Variants in PRPS1 observed in about 807,000 individuals in gnomAD.
PRPS1 encodes the protein phosphoribosyl pyrophosphate synthetase 1.
PRPS1 carries 1 observed loss-of-function variant against 16.9 expected under a neutral mutation model. That is an observed-to-expected ratio of 0.06 (90% CI 0.02 to 0.28). The LOEUF (loss-of-function observed/expected upper bound fraction) is 0.28, where lower values mean the gene tolerates loss of function less well. PRPS1 is among the 10% of genes least tolerant of loss of function. The probability of loss-of-function intolerance (pLI) is 1.00; values close to 1 mark genes in which losing one functional copy is unlikely to be tolerated. For missense variants in PRPS1, 47 were observed against 254.0 expected (o/e 0.19, Z 5.54); for synonymous variants, 70 against 90.2 (o/e 0.78, Z 1.27).
At chrX:107,648,692 T>C (rs1164693647) in intron 6 of PRPS1, among the ~76,000 whole-genome samples, 2 of 110,774 alleles carry the variant, frequency 1.8e-5, no homozygotes, top group Middle Eastern at 4.3e-3. Flanking sequence ...AGATTACAGG[T>C]GATGTCATTC....
At chrX:107,648,379 C>T (rs759698102) in intron 6 of PRPS1, among the ~76,000 whole-genome samples, 1 of 109,717 alleles carries the variant, frequency 9.1e-6, no homozygotes, top group South Asian at 3.8e-4. Flanking sequence ...TCACATTAAT[C>T]TATGAGCTTT....
At chrX:107,647,898 G>A (rs1925738695) in intron 6 of PRPS1, 133 bp downstream of exon 6, 1 of 752,358 alleles carries the variant, frequency 1.3e-6, no homozygotes, top group Non-Finnish European at 1.9e-6. Flanking sequence ...ATCAGAATTT[G>A]TGATCCAAAA....
At chrX:107,642,129 T>TAA (rs1266689372) in intron 3 of PRPS1, among the ~76,000 whole-genome samples, 4 of 112,123 alleles carry the variant, frequency 3.6e-5, no homozygotes, top group African/African-American at 1.3e-4. Flanking sequence ...AGGGCTCACT[T>TAA]ATGTTCCTAT....
At chrX:107,637,929 A>AATATAT (rs796383314) in intron 1 of PRPS1, among the ~76,000 whole-genome samples, 3 of 101,050 alleles carry the variant, frequency 3.0e-5, no homozygotes, top group East Asian at 3.0e-4. Context: ...GTGTAATATA[A>AATATAT]ATATATATAT....
chrX:107,643,904 G>C (rs1449155933), intron 4 of PRPS1, among the ~76,000 whole-genome samples: 2 of 111,661 alleles, frequency 1.8e-5, no homozygotes, highest in African/African-American at 6.5e-5. Context: ...TGTGGTCACA[G>C]GTTCTCACTT....
intron 3 of PRPS1, 64 bp from the exon 4 acceptor site, chrX:107,642,302 G>A: frequency 8.4e-7 from 1 of 1,195,157 alleles, no homozygotes; most frequent in Non-Finnish European, 1.1e-6. Context: ...ACTACTTTGT[G>A]TTTGCCATTT....
At chrX:107,636,146 G>A (rs772006987) in intron 1 of PRPS1, among the ~76,000 whole-genome samples, 118 of 109,616 alleles carry the variant, frequency 1.1e-3, no homozygotes, top group African/African-American at 3.5e-3. Flanking sequence ...GGTTTGAGAC[G>A]GAGTCCCGCT....
At chrX:107,645,055 C>T in intron 4 of PRPS1, 122 bp from the exon 5 acceptor site, 1 of 756,278 alleles carries the variant, frequency 1.3e-6, no homozygotes, top group Non-Finnish European at 2.1e-6. Flanking sequence ...ACCTTGTGAT[C>T]CGCCCACCTC....
chrX:107,640,317 G>C (rs1453503371), intron 2 of PRPS1, among the ~76,000 whole-genome samples: 1 of 105,375 alleles, frequency 9.5e-6, no homozygotes, highest in Non-Finnish European at 2.0e-5. Flanking sequence ...ACTCCAGCCT[G>C]GGCGATAGAG....
At position 107,650,017 on chromosome X, in the gene PRPS1, C is replaced by T. The variant is rs147731055; in HGVS notation, c.942C>T (p.Ser314=). 3.2e-4 allele frequency: 384 copies of T among 1,210,304 alleles called. 1 individual carries two copies. Among genetic ancestry groups the T allele is most frequent in the Middle Eastern group, 1.1e-3 (5 of 4,354 alleles). ...GAGAATCCGTTTCTTACCTATTCAG[C>T]CATGTCCCTTTATAATAGAGTAACT... The part of the protein sequence containing the change: ...HNGESVSYLF[S]HVPL The change falls in exon 7 of 7, where the codon AGC becomes AGT. Residue 314 remains serine (S), a synonymous_variant. Transcript: ENST00000372435.
At chrX:107,634,099 TTTG>T (rs1925369580) in intron 1 of PRPS1, among the ~76,000 whole-genome samples, 1 of 111,856 alleles carries the variant, frequency 8.9e-6, no homozygotes, top group African/African-American at 3.2e-5. Flanking sequence ...GTACAAACCG[TTTG>T]TTAAGGTAGG....
intron 1 of PRPS1, chrX:107,636,761 C>T (rs1002401842): frequency 2.7e-5 from 3 of 112,297 alleles, no homozygotes. Flanking sequence ...TCAGCTTCTT[C>T]TGGCAATAGA....
At chrX:107,631,137 C>T (rs1925300750) in intron 1 of PRPS1, among the ~76,000 whole-genome samples, 1 of 112,214 alleles carries the variant, frequency 8.9e-6, no homozygotes, top group Admixed American at 9.5e-5. Context: ...TTATAGCTCT[C>T]TTCACTTAGC....
chrX:107,641,113 A>G, intron 3 of PRPS1, 113 bp downstream of exon 3: 2 of 1,194,406 alleles, frequency 1.7e-6, no homozygotes, highest in Non-Finnish European at 2.3e-6. Context: ...AATAAACTAG[A>G]TATCAACAAC....
At position 107,628,727 on chromosome X, in the gene PRPS1, G is replaced by A. The variant is rs1602893298; in HGVS notation, c.99G>A (p.Lys33=). The change falls in exon 1 of 7, where the codon AAG becomes AAA. Residue 33 remains lysine, a synonymous_variant. Coordinates refer to ENST00000372435, the MANE Select transcript of PRPS1 (RefSeq NM_002764.4). ...LGLELGKVVT[K]KFSNQETCVE... ...TGGAGCTAGGCAAGGTGGTGACTAAGAAATTCAGCAACCAGGAGACCTGGT... is the reference window on the plus strand; with the variant it reads ...TGGAGCTAGGCAAGGTGGTGACTAAAAAATTCAGCAACCAGGAGACCTGGT... The A allele has an allele frequency of 1.7e-6, 2 of 1,211,436 alleles. No individual in the cohort carries two copies. The highest frequency in any genetic ancestry group is 2.2e-6 in the Non-Finnish European group (2 of 895,502).
chrX:107,640,552 G>A (rs778157677), intron 2 of PRPS1, among the ~76,000 whole-genome samples: 50 of 112,248 alleles, frequency 4.5e-4, no homozygotes, highest in Non-Finnish European at 7.9e-4. Flanking sequence ...ACATATGTAT[G>A]TGTTGAAAGA....
At chrX:107,642,152 GT>G (rs1047503575) in intron 3 of PRPS1, among the ~76,000 whole-genome samples, 3 of 112,091 alleles carry the variant, frequency 2.7e-5, no homozygotes, top group African/African-American at 9.7e-5. Context: ...TCAGTTGTGG[GT>G]TGACTGAGGG....
intron 1 of PRPS1, among the ~76,000 whole-genome samples, chrX:107,629,708 C>G (rs1027510531): frequency 2.8e-4 from 31 of 112,072 alleles, no homozygotes; most frequent in African/African-American, 9.7e-4. Context: ...CTTGCTTCCT[C>G]GACTCCGACT....
intron 1 of PRPS1, among the ~76,000 whole-genome samples, chrX:107,631,765 C>T (rs1925311580): frequency 8.9e-6 from 1 of 112,079 alleles, no homozygotes; most frequent in Non-Finnish European, 1.9e-5. Context: ...CAGCTCACTG[C>T]AACCTCCGCC....
Sources: allele counts gnomAD v4.1 joint callset (sites outside exome capture counted in the v4.1 genomes callset), GRCh38; gene constraint gnomAD v4.1.1; transcripts MANE v1.5; gene names NCBI Gene and HGNC (gene_info 2026-07-23, HGNC 2026-07-21).